CSMD2: variants seen among roughly 807,000 people sequenced by gnomAD.
CSMD2 encodes CUB and Sushi multiple domains 2, also known as CUB and sushi domain-containing protein 2.
CSMD2 carries 130 observed loss-of-function variants against 398.5 expected under a neutral mutation model. The ratio of observed to expected loss-of-function variants is 0.33; its 90% CI spans 0.28 to 0.38. The LOEUF (loss-of-function observed/expected upper bound fraction) is 0.38, where lower values mean the gene tolerates loss of function less well. Ranked by LOEUF, CSMD2 falls within the 10% of genes least tolerant of loss-of-function variation. CSMD2 has a pLI of 1.00. For synonymous variants in CSMD2, 1,828 were observed against 1,908.5 expected (o/e 0.96, Z 1.10); for missense variants, 3,829 against 4,764.9 (o/e 0.80, Z 5.78).
chr1:33,596,544 T>A (rs1381632724), intron 44 of CSMD2, among the ~76,000 whole-genome samples: 1 of 152,204 alleles, frequency 6.6e-6, no homozygotes, highest in Non-Finnish European at 1.5e-5. Flanking sequence ...CAGTTCAGCA[T>A]GGCTGGGGAG....
intron 25 of CSMD2, among the ~76,000 whole-genome samples, chr1:33,676,643 C>T (rs1440511880): frequency 1.3e-5 from 2 of 152,154 alleles, no homozygotes; most frequent in African/African-American, 4.8e-5. Flanking sequence ...AAAGAGCCCG[C>T]ATCACCAAGT....
chr1:33,615,388 G>T (rs1291538190), intron 39 of CSMD2, among the ~76,000 whole-genome samples: 1 of 152,202 alleles, frequency 6.6e-6, no homozygotes, highest in Non-Finnish European at 1.5e-5. Flanking sequence ...CCAGGGAAAG[G>T]ATCATAGAAC....
At chr1:33,735,597 C>T (rs1646859932) in intron 15 of CSMD2, among the ~76,000 whole-genome samples, 1 of 152,166 alleles carries the variant, frequency 6.6e-6, no homozygotes, top group Non-Finnish European at 1.5e-5. Flanking sequence ...ATAGCCCACA[C>T]AGTCGAAAAT....
chr1:33,576,169 G>A (rs1376219612), intron 49 of CSMD2, among the ~76,000 whole-genome samples: 5 of 152,164 alleles, frequency 3.3e-5, no homozygotes, highest in African/African-American at 1.2e-4. Flanking sequence ...CATAAAGATG[G>A]AATTATAAGT....
intron 1 of CSMD2, among the ~76,000 whole-genome samples, chr1:34,102,611 G>A (rs1251156658): frequency 1.4e-4 from 11 of 76,132 alleles, no homozygotes; most frequent in South Asian, 7.2e-4. Context: ...ATATCCCTGT[G>A]ATCCAACCAT....
chr1:34,060,283 A>C (rs1654321472), intron 2 of CSMD2, among the ~76,000 whole-genome samples: 1 of 152,170 alleles, frequency 6.6e-6, no homozygotes, highest in South Asian at 2.1e-4. Flanking sequence ...GGGTAAAATC[A>C]ATGCATAAGT....
chr1:34,054,338 C>G (rs1305350130), intron 2 of CSMD2, among the ~76,000 whole-genome samples: 1 of 152,064 alleles, frequency 6.6e-6, no homozygotes, highest in Non-Finnish European at 1.5e-5. Context: ...GACCAGAATC[C>G]AAAAAGTTTC....
At chr1:33,768,910 C>T (rs1217471672) in intron 13 of CSMD2, among the ~76,000 whole-genome samples, 2 of 152,186 alleles carry the variant, frequency 1.3e-5, no homozygotes, top group Admixed American at 6.5e-5. Flanking sequence ...TTAGGATTCA[C>T]ATCTTCTTAA....
At chr1:33,774,453 G>A (rs189136727) in intron 12 of CSMD2, among the ~76,000 whole-genome samples, 8 of 152,120 alleles carry the variant, frequency 5.3e-5, no homozygotes, top group Admixed American at 3.3e-4. Context: ...GGGCTCCTGT[G>A]ATAAGTCAAC....
chr1:33,649,216 C>T (rs1338600970), intron 28 of CSMD2, among the ~76,000 whole-genome samples: 1 of 152,192 alleles, frequency 6.6e-6, no homozygotes, highest in African/African-American at 2.4e-5. Context: ...GAATAGATTT[C>T]AGATGCAAAT....
At chr1:33,900,977 T>C (rs1267931093) in intron 5 of CSMD2, among the ~76,000 whole-genome samples, 1 of 152,054 alleles carries the variant, frequency 6.6e-6, no homozygotes, top group Non-Finnish European at 1.5e-5. Flanking sequence ...GATCCTGGAG[T>C]GGCTGGCCTA....
intron 55 of CSMD2, among the ~76,000 whole-genome samples, chr1:33,554,961 T>C (rs541794136): frequency 2.0e-5 from 3 of 152,326 alleles, no homozygotes; most frequent in African/African-American, 7.2e-5. Context: ...AGAAATAATT[T>C]TGACTTTCAA....
chr1:34,012,962 A>ATTC (rs1647566770), intron 3 of CSMD2, among the ~76,000 whole-genome samples: 1 of 152,152 alleles, frequency 6.6e-6, no homozygotes, highest in Non-Finnish European at 1.5e-5. Context: ...TCCCATCTGC[A>ATTC]ATGGGCCAGC....
chr1:33,938,794 GGC>G (rs1323679848), intron 3 of CSMD2, among the ~76,000 whole-genome samples: 1 of 150,032 alleles, frequency 6.7e-6, no homozygotes. Context: ...TGGCTTACTT[GGC>G]ATTTCCCATG....
At chr1:33,859,605 T>G (rs1268437769) in intron 5 of CSMD2, among the ~76,000 whole-genome samples, 2 of 152,226 alleles carry the variant, frequency 1.3e-5, no homozygotes, top group Non-Finnish European at 2.9e-5. Flanking sequence ...GGAGAGGCAT[T>G]CTTCTGCCAC....
At chr1:33,852,995 T>C (rs867004990) in intron 5 of CSMD2, among the ~76,000 whole-genome samples, 2 of 152,242 alleles carry the variant, frequency 1.3e-5, no homozygotes, top group African/African-American at 4.8e-5. Context: ...ATTCCTACCA[T>C]AGAAGCCTCA....
chr1:33,709,334 A>T, intron 21 of CSMD2, 76 bp from the exon 22 acceptor site: 2 of 1,326,852 alleles, frequency 1.5e-6, no homozygotes, highest in Non-Finnish European at 2.1e-6. Context: ...GCTCTGAAGA[A>T]CCTGACAAAG....
At chr1:33,971,784 C>T (rs575266529) in intron 3 of CSMD2, among the ~76,000 whole-genome samples, 37 of 152,292 alleles carry the variant, frequency 2.4e-4, no homozygotes, top group African/African-American at 8.7e-4. Flanking sequence ...TACCTGACTT[C>T]ACCCTCCCAG....
intron 2 of CSMD2, among the ~76,000 whole-genome samples, chr1:34,054,923 C>A (rs1426639805): frequency 6.6e-6 from 1 of 152,148 alleles, no homozygotes; most frequent in Admixed American, 6.5e-5. Context: ...CTCCTAAATG[C>A]TTTTATTTTT....
Sources: allele counts gnomAD v4.1 joint callset (sites outside exome capture counted in the v4.1 genomes callset), GRCh38; gene constraint gnomAD v4.1.1; transcripts MANE v1.5; gene names NCBI Gene and HGNC (gene_info 2026-07-23, HGNC 2026-07-21).